RHOBTB3: variants seen among roughly 807,000 people sequenced by gnomAD.
RHOBTB3 encodes Rho related BTB domain containing 3.
Under a neutral mutation model 67.2 loss-of-function variants are expected in RHOBTB3, and 47 were observed. That is an observed-to-expected ratio of 0.70 (90% CI 0.55 to 0.89). RHOBTB3 has a LOEUF of 0.89. Among genes scored for constraint, RHOBTB3 ranks in the 40% least tolerant of loss-of-function variants. The pLI is 0.00. For missense variants in RHOBTB3, 631 were observed against 750.0 expected, an observed-to-expected ratio of 0.84 and a Z score of 1.85; for synonymous variants, 273 against 274.2, an observed-to-expected ratio of 1.00 and a Z score of 0.04.
chr5:95,771,799 G>A (rs1053491085), intron 8 of RHOBTB3, among the ~76,000 whole-genome samples: 3 of 152,170 alleles, frequency 2.0e-5, no homozygotes, highest in African/African-American at 7.2e-5. Flanking sequence ...TACTAAAAGT[G>A]TTTGGTACGC....
intron 9 of RHOBTB3, among the ~76,000 whole-genome samples, chr5:95,783,402 G>T (rs1446022468): frequency 6.6e-6 from 1 of 151,556 alleles, no homozygotes; most frequent in African/African-American, 2.4e-5. Flanking sequence ...GATTACAGGT[G>T]TGAGCCACTG....
chr5:95,727,156 G>A (rs1257891375), upstream of RHOBTB3, among the ~76,000 whole-genome samples: 1 of 151,980 alleles, frequency 6.6e-6, no homozygotes, highest in Non-Finnish European at 1.5e-5. Context: ...TTTTTTAAAA[G>A]ACAGCAATAA....
At position 95,737,919 on chromosome 5, in the gene RHOBTB3, T is replaced by C. The variant is rs1410946160; in HGVS notation, c.415+844T>C. Among the ~76,000 whole-genome samples the C allele has an allele frequency of 1.4e-4, 21 of 152,352 alleles. No homozygotes were observed. The East Asian group carries it at 3.7e-3, about 27-fold the overall frequency. On this transcript the variant is annotated intron_variant, in intron 3 of 11. Transcript: ENST00000379982. ...CAGAGGTAACTGCTATTCTGACTTC[T>C]AACAACACAGATTAGTTTTACCTAT...
upstream of RHOBTB3, among the ~76,000 whole-genome samples, chr5:95,725,967 A>C (rs922867336): frequency 6.6e-6 from 1 of 152,260 alleles, no homozygotes; most frequent in African/African-American, 2.4e-5. Context: ...TCTCTACTAC[A>C]GCTTTTCTTT....
At chr5:95,763,802 T>TTGTATG (rs113130788) in intron 7 of RHOBTB3, among the ~76,000 whole-genome samples, 182 bp downstream of exon 7, 1 of 148,862 alleles carries the variant, frequency 6.7e-6, no homozygotes, top group Non-Finnish European at 1.5e-5. Context: ...GTATCTTAGA[T>TTGTATG]TGTGTGTGTG....
intron 10 of RHOBTB3, 139 bp downstream of exon 10, chr5:95,784,102 T>C (rs540090620): frequency 3.2e-5 from 20 of 630,046 alleles, no homozygotes; most frequent in African/African-American, 2.4e-4. Context: ...CTAAAGTGCC[T>C]TCACAACAGT....
At chr5:95,765,942 A>G (rs1239838062) in intron 7 of RHOBTB3, among the ~76,000 whole-genome samples, 1 of 152,144 alleles carries the variant, frequency 6.6e-6, no homozygotes, top group African/African-American at 2.4e-5. Flanking sequence ...GATTACAGGC[A>G]TGAGCCACCG....
chr5:95,792,619 C>T (rs1322448523), intron 11 of RHOBTB3, among the ~76,000 whole-genome samples: 6 of 150,606 alleles, frequency 4.0e-5, no homozygotes, highest in African/African-American at 7.3e-5. Flanking sequence ...GGTAAAACCC[C>T]GTCTCTACTA....
intron 5 of RHOBTB3, among the ~76,000 whole-genome samples, chr5:95,753,517 A>C (rs1363272908): frequency 6.6e-6 from 1 of 152,202 alleles, no homozygotes; most frequent in South Asian, 2.1e-4. Context: ...TTGTTGGATC[A>C]ATGTCCTTTG....
intron 7 of RHOBTB3, 78 bp from the exon 8 acceptor site, chr5:95,767,968 T>C: frequency 2.2e-6 from 3 of 1,352,792 alleles, no homozygotes; most frequent in Non-Finnish European, 3.2e-6. Context: ...AGCATAATTT[T>C]CCAAATTCCT....
rs117159374 is a variant in RHOBTB3, at chr5:95,763,192, T to G, written c.1049-316T>G. Among the ~76,000 whole-genome samples the G allele has an allele frequency of 3.9e-5, 6 of 152,290 alleles. No homozygotes were observed. The East Asian group carries it at 5.8e-4, about 15-fold the overall frequency. ...TTTTTACTCAGGGCAAGTAAATAAT[T>G]TGGGTGCTGGACCACTTGTCATGGG... On this transcript the variant is annotated intron_variant, in intron 6 of 11. Coordinates refer to ENST00000379982, the MANE Select transcript of RHOBTB3 (RefSeq NM_014899.4).
chr5:95,775,502 T>TA (rs1044402416), intron 8 of RHOBTB3, among the ~76,000 whole-genome samples: 5 of 150,584 alleles, frequency 3.3e-5, no homozygotes, highest in Admixed American at 6.6e-5. Context: ...TTCCAAAATC[T>TA]AAAAAAAATG....
At chr5:95,749,501 T>TA (rs1218689678) in intron 4 of RHOBTB3, among the ~76,000 whole-genome samples, 2 of 152,232 alleles carry the variant, frequency 1.3e-5, no homozygotes, top group Non-Finnish European at 2.9e-5. Flanking sequence ...TTAAAGAAGA[T>TA]ATACTCACAA....
chr5:95,770,747 G>A (rs1745683679), intron 8 of RHOBTB3: 1 of 344,554 alleles, frequency 2.9e-6, no homozygotes, highest in Non-Finnish European at 5.9e-6. Context: ...AACGGTGATA[G>A]GAAGCTCAAG....
chr5:95,787,457 A>T (rs1272178936), intron 10 of RHOBTB3, among the ~76,000 whole-genome samples: 2 of 150,502 alleles, frequency 1.3e-5, no homozygotes, highest in Non-Finnish European at 3.0e-5. Flanking sequence ...CAGCTTTAAA[A>T]AAAAAAAAAA....
At position 95,777,212 on chromosome 5, in the gene RHOBTB3, G is replaced by A. The variant is rs535330071; in HGVS notation, c.1283-3040G>A. Reference sequence around the variant, plus strand: ...ATTACATTCCCTTCTGGTTTACTTAGCTAGTACATATTTTGGATCTCTCTT... The same window carrying A: ...ATTACATTCCCTTCTGGTTTACTTAACTAGTACATATTTTGGATCTCTCTT... On this transcript the variant is annotated intron_variant, in intron 8 of 11. Coordinates refer to ENST00000379982, the MANE Select transcript of RHOBTB3 (RefSeq NM_014899.4). Among the ~76,000 whole-genome samples the A allele has an allele frequency of 2.0e-5, 3 of 152,276 alleles. No homozygotes were observed. The South Asian group carries it at 6.2e-4, about 32-fold the overall frequency.
Position 95,731,418 on chromosome 5 carries a change from G to C in RHOBTB3, c.-265G>C. The C allele has an allele frequency of 2.5e-6, 3 of 1,190,582 alleles. No individual in the cohort carries two copies. The highest frequency in any genetic ancestry group is 3.1e-6 in the Non-Finnish European group (3 of 964,258). 73.8% of individuals were successfully genotyped at this position (1,190,582 alleles called of 1,614,324 possible). A position where few individuals can be genotyped will look rare whatever the true frequency, so the allele number is the denominator to read the frequency against. On this transcript the variant is annotated 5_prime_UTR_variant, in exon 1 of 12. Coordinates refer to ENST00000379982, the MANE Select transcript of RHOBTB3 (RefSeq NM_014899.4). Reference sequence around the variant, plus strand: ...CTGCGTCCACTTGGGGCTGTGCGGCGGTCCCGCGCCCGGCGATGTTCCCGG... The same window carrying C: ...CTGCGTCCACTTGGGGCTGTGCGGCCGTCCCGCGCCCGGCGATGTTCCCGG...
At chr5:95,728,219 A>G (rs1009466283), upstream of RHOBTB3, among the ~76,000 whole-genome samples, 1 of 152,322 alleles carries the variant, frequency 6.6e-6, no homozygotes, top group East Asian at 1.9e-4. Flanking sequence ...ATCACCAGGT[A>G]TGACTCCAGA....
rs112367200 is a variant in RHOBTB3 at position 95,780,641 on chromosome 5, C to T, written c.1456+216C>T. Among the ~76,000 whole-genome samples, 989 of 152,262 alleles carry T rather than the reference C, an allele frequency of 6.5e-3. 14 individuals are homozygous for T. Among genetic ancestry groups the T allele is most frequent in the African/African-American group, 0.022 (904 of 41,542 alleles). ...TTGGGTGCCTTTTATGGGTCTCCGACGCCGGCACAAGTTCACATGTCCCAG... is the reference window on the plus strand; with the variant it reads ...TTGGGTGCCTTTTATGGGTCTCCGATGCCGGCACAAGTTCACATGTCCCAG... On this transcript the variant is annotated intron_variant, in intron 9 of 11. Transcript: ENST00000379982.
Sources: gnomAD v4.1 joint callset for allele counts (sites outside exome capture counted in the v4.1 genomes callset) on GRCh38, gnomAD v4.1.1 for gene constraint, MANE v1.5 for transcripts, NCBI Gene and HGNC (gene_info 2026-07-23, HGNC 2026-07-21) for gene names.